The following DOCK10 variants were observed in gnomAD, a reference collection of about 807,000 sequenced individuals.
The protein encoded by DOCK10 is dedicator of cytokinesis 10.
Under a neutral mutation model 280.1 loss-of-function variants are expected in DOCK10, and 145 were observed. The ratio of observed to expected loss-of-function variants is 0.52; its 90% CI spans 0.45 to 0.59. The LOEUF is 0.59. DOCK10 is among the 20% of genes least tolerant of loss of function. The pLI is 0.00. For missense variants in DOCK10, 2,368 were observed against 2,651.7 expected (o/e 0.89, Z 2.35); for synonymous variants, 915 against 942.2 (o/e 0.97, Z 0.53).
At chr2:225,018,879 CATT>C (rs1406807258) in intron 1 of DOCK10, among the ~76,000 whole-genome samples, 2 of 144,362 alleles carry the variant, frequency 1.4e-5, no homozygotes, top group African/African-American at 5.2e-5. Flanking sequence ...ATATGTATAT[CATT>C]ATATATGTGT....
chr2:224,878,150 T>TA (rs199579864), intron 7 of DOCK10, among the ~76,000 whole-genome samples: 2,658 of 152,306 alleles, frequency 0.017, 77 homozygotes, highest in African/African-American at 0.061. Context: ...TCCGGCAATG[T>TA]TCTCTTTCTT....
intron 30 of DOCK10, among the ~76,000 whole-genome samples, chr2:224,815,158 C>T (rs972640738): frequency 2.0e-5 from 3 of 152,074 alleles, no homozygotes; most frequent in South Asian, 2.1e-4. Context: ...TCTTGAGAGC[C>T]GATGGTTTTA....
intron 1 of DOCK10, among the ~76,000 whole-genome samples, chr2:225,035,743 T>C (rs1311957746): frequency 6.6e-6 from 1 of 151,226 alleles, no homozygotes; most frequent in Non-Finnish European, 1.5e-5. Context: ...CATTTATTTT[T>C]CTCAGTTCTG....
Position 224,765,466 on chromosome 2 carries a change from G to A in DOCK10, c.*255C>T. 1 of 379,906 alleles carries A rather than the reference G, an allele frequency of 2.6e-6. No individual in the cohort carries two copies. The highest frequency in any genetic ancestry group is 4.8e-6 in the Non-Finnish European group (1 of 209,506). 23.5% of individuals were successfully genotyped at this position (379,906 alleles called of 1,614,324 possible). ...TACAATAACTGACAGCAAACTTAGGGTTTGCATTTGAGCTACACATTCACT... is the reference window on the plus strand; with the variant it reads ...TACAATAACTGACAGCAAACTTAGGATTTGCATTTGAGCTACACATTCACT... On this transcript the variant is annotated 3_prime_UTR_variant, in exon 56 of 56. Coordinates refer to ENST00000258390, the MANE Select transcript of DOCK10 (RefSeq NM_014689.3).
At chr2:225,013,462 T>C (rs1689502170) in intron 1 of DOCK10, among the ~76,000 whole-genome samples, 2 of 152,138 alleles carry the variant, frequency 1.3e-5, no homozygotes, top group African/African-American at 4.8e-5. Flanking sequence ...TTAAATCCCA[T>C]TTATTAACTG....
In DOCK10 at chr2:225,033,865, A is replaced by G. The variant is rs1034239050; in HGVS notation, c.123+8387T>C. Among the ~76,000 whole-genome samples the G allele has an allele frequency of 4.6e-5, 7 of 152,232 alleles. No individual in the cohort carries two copies. The East Asian group carries it at 1.2e-3, about 25-fold the overall frequency. On this transcript the variant is annotated intron_variant, in intron 1 of 55. Transcript: ENST00000258390. ...CCAACCTCATGCTTATCTTGCCAGA[A>G]ATGTATTTCTATAGAAGGAGAGGAA...
rs147471640 is a variant in DOCK10, at chr2:224,793,353, A to G, written c.5212+47T>C. 2,912 of 1,434,550 alleles carry G rather than the reference A, an allele frequency of 2.0e-3. 50 individuals carry two copies. The African/African-American group carries it at 0.036, about 18-fold the overall frequency. The allele number at this position is 1,434,550 out of a possible 1,614,324, so 88.9% of individuals were successfully genotyped here. On this transcript the variant is annotated intron_variant, in intron 46 of 55. Transcript: ENST00000258390. ...AATACATTATTTCTATTAGGCTTCA[A>G]TGTGTTGATATCTAGGCTTTTTGCC...
chr2:224,865,329 G>A (rs1697833362), intron 11 of DOCK10, among the ~76,000 whole-genome samples: 3 of 152,086 alleles, frequency 2.0e-5, no homozygotes, highest in Admixed American at 1.3e-4. Flanking sequence ...ATGCATGGTT[G>A]GGCCTTACAA....
At position 224,874,731 on chromosome 2, in the gene DOCK10, T is replaced by C; in HGVS notation, c.952A>G (p.Thr318Ala). Residue 318 changes from threonine to alanine, a missense_variant, in exon 9 of 56, where the codon ACT becomes GCT. Thr to Ala is a moderately conservative substitution (Grantham distance 58). Coordinates refer to ENST00000258390, the MANE Select transcript of DOCK10 (RefSeq NM_014689.3). ...GTTTCCTCTGGCGTGCATTCACAAG[T>C]TACAGAATTATCCAGCGAATCTTAA... ...LGLDSLDNSV[T>A]CECTPEETDS... 1 of 1,613,858 alleles carries C rather than the reference T, an allele frequency of 6.2e-7. No homozygotes were observed.
intron 47 of DOCK10, among the ~76,000 whole-genome samples, chr2:224,789,739 C>A (rs1011848764): frequency 6.6e-6 from 1 of 151,566 alleles, no homozygotes; most frequent in Non-Finnish European, 1.5e-5. Context: ...GACCCTATCT[C>A]TCCCACAGTG....
intron 4 of DOCK10, among the ~76,000 whole-genome samples, chr2:224,887,851 C>G (rs894944793): frequency 2.0e-5 from 3 of 152,162 alleles, no homozygotes; most frequent in African/African-American, 7.2e-5. Context: ...ATTTCACTAA[C>G]TTTAGTCCTC....
At chr2:225,026,548 G>A (rs1240690388) in intron 1 of DOCK10, among the ~76,000 whole-genome samples, 1 of 152,176 alleles carries the variant, frequency 6.6e-6, no homozygotes, top group Non-Finnish European at 1.5e-5. Context: ...GAGTGGCCAG[G>A]GGTGGAAATA....
At chr2:224,851,830 G>T (rs1378787844) in intron 18 of DOCK10, among the ~76,000 whole-genome samples, 1 of 152,148 alleles carries the variant, frequency 6.6e-6, no homozygotes, top group Admixed American at 6.5e-5. Context: ...TTTGTAGAGT[G>T]AAACACCACA....
chr2:224,958,101 C>T (rs1282397918), intron 1 of DOCK10, among the ~76,000 whole-genome samples: 1 of 152,152 alleles, frequency 6.6e-6, no homozygotes, highest in Non-Finnish European at 1.5e-5. Flanking sequence ...ATAAAGATAA[C>T]CACAGTATCT....
chr2:224,974,819 A>T lies in DOCK10; in HGVS notation c.124-43151T>A, dbSNP rs956782078. ...TATATATCATATATATTATATATAT[A>T]ATATATATATATTATATATAACATA... On this transcript the variant is annotated intron_variant, in intron 1 of 55. Transcript: ENST00000258390. Among the ~76,000 whole-genome samples the T allele has an allele frequency of 4.5e-5, 6 of 132,342 alleles. 1 individual carries two copies. Among genetic ancestry groups the T allele is most frequent in the South Asian group, 5.1e-4 (2 of 3,918 alleles). 86.8% of individuals were successfully genotyped at this position (132,342 alleles called of 152,430 possible).
At chr2:224,896,515 C>T in intron 3 of DOCK10, 138 bp from the exon 4 acceptor site, 1 of 517,200 alleles carries the variant, frequency 1.9e-6, no homozygotes, top group Non-Finnish European at 3.3e-6. Flanking sequence ...TCGAGGCCAA[C>T]CTGACCAATA....
chr2:225,003,230 A>G (rs911834819), intron 1 of DOCK10, among the ~76,000 whole-genome samples: 1 of 152,082 alleles, frequency 6.6e-6, no homozygotes, highest in African/African-American at 2.4e-5. Flanking sequence ...TTTTTAGTAG[A>G]GGCAGGATTT....
At chr2:224,998,836 G>A (rs1275116447) in intron 1 of DOCK10, among the ~76,000 whole-genome samples, 4 of 152,116 alleles carry the variant, frequency 2.6e-5, no homozygotes. Context: ...TTTTATATGG[G>A]AAAAGGATGG....
chr2:225,015,816 ATTTC>A lies in DOCK10; in HGVS notation c.123+26432_123+26435del, dbSNP rs1404129730. Among the ~76,000 whole-genome samples the A allele has an allele frequency of 2.0e-5, 3 of 152,230 alleles. No homozygotes were observed. The East Asian group carries it at 5.8e-4, about 29-fold the overall frequency. The stretch of plus-strand genomic sequence containing the variant: ...TGTGTGTCCTGATTATAGGCATTGT[ATTTC>A]TTTCTAATTTCTTTTTAAAGATTGT... On this transcript the variant is annotated intron_variant, in intron 1 of 55. Transcript: ENST00000258390.
Sources: gnomAD v4.1 joint callset for allele counts (sites outside exome capture counted in the v4.1 genomes callset) on GRCh38, gnomAD v4.1.1 for gene constraint, MANE v1.5 for transcripts, NCBI Gene and HGNC (gene_info 2026-07-23, HGNC 2026-07-21) for gene names.